The following FBXL4 variants were observed in gnomAD, a reference collection of about 807,000 sequenced individuals.
FBXL4 encodes F-box and leucine rich repeat protein 4, also known as F-box/LRR-repeat protein 4.
Under a neutral mutation model 58.9 loss-of-function variants are expected in FBXL4, and 40 were observed. That is an observed-to-expected ratio of 0.68 (90% CI 0.53 to 0.88). FBXL4 has a LOEUF of 0.88. FBXL4 is among the 40% of genes least tolerant of loss of function. FBXL4 has a pLI of 0.00. For synonymous variants in FBXL4, 263 were observed against 265.5 expected (o/e 0.99, Z 0.09); for missense variants, 676 against 734.4 (o/e 0.92, Z 0.92).
At chr6:98,916,202 CTT>C (rs1772339276) in intron 5 of FBXL4, among the ~76,000 whole-genome samples, 2 of 143,178 alleles carry the variant, frequency 1.4e-5, no homozygotes, top group Non-Finnish European at 3.1e-5. Flanking sequence ...AATAGGAACA[CTT>C]TTACACTGTT....
At chr6:98,905,388 TGG>T in intron 6 of FBXL4, 36 bp downstream of exon 6, 1 of 1,600,504 alleles carries the variant, frequency 6.2e-7, no homozygotes, top group Non-Finnish European at 8.6e-7. Flanking sequence ...AACCTGCTGC[TGG>T]GGGGGAAAAA....
intron 8 of FBXL4, among the ~76,000 whole-genome samples, chr6:98,878,651 T>C (rs1770739941): frequency 6.6e-6 from 1 of 152,128 alleles, no homozygotes; most frequent in Non-Finnish European, 1.5e-5. Flanking sequence ...ATATATATAA[T>C]TCCAACAGTA....
intron 9 of FBXL4, among the ~76,000 whole-genome samples, chr6:98,875,020 A>G (rs1389562699): frequency 6.6e-6 from 1 of 152,220 alleles, no homozygotes; most frequent in African/African-American, 2.4e-5. Flanking sequence ...AGATTTCACG[A>G]TATTCCTTAA....
chr6:98,940,129 C>T (rs1360508232), intron 1 of FBXL4, among the ~76,000 whole-genome samples: 1 of 152,126 alleles, frequency 6.6e-6, no homozygotes, highest in East Asian at 1.9e-4. Flanking sequence ...GTGTGCTATT[C>T]ATGGCAGTAA....
chr6:98,894,833 C>A (rs1216946536), intron 7 of FBXL4, among the ~76,000 whole-genome samples: 2 of 152,100 alleles, frequency 1.3e-5, no homozygotes, highest in Non-Finnish European at 2.9e-5. Context: ...ATCCTAAACA[C>A]ATCTAAAGAA....
At chr6:98,941,605 G>C (rs1050311261) in intron 1 of FBXL4, among the ~76,000 whole-genome samples, 1 of 152,074 alleles carries the variant, frequency 6.6e-6, no homozygotes, top group East Asian at 1.9e-4. Flanking sequence ...GGCATGTTCT[G>C]CCCACTTGTT....
chr6:98,940,301 G>A (rs1197997046), intron 1 of FBXL4, among the ~76,000 whole-genome samples: 1 of 151,980 alleles, frequency 6.6e-6, no homozygotes, highest in East Asian at 1.9e-4. Flanking sequence ...TATCTTCACA[G>A]TCCAAACCCA....
At chr6:98,904,089 C>A (rs1053075122) in intron 6 of FBXL4, among the ~76,000 whole-genome samples, 1 of 152,178 alleles carries the variant, frequency 6.6e-6, no homozygotes, top group Non-Finnish European at 1.5e-5. Flanking sequence ...TGCTTACTGA[C>A]ACCACTTGTT....
intron 7 of FBXL4, among the ~76,000 whole-genome samples, chr6:98,889,464 T>C (rs1771148972): frequency 6.6e-6 from 1 of 152,044 alleles, no homozygotes; most frequent in Non-Finnish European, 1.5e-5. Flanking sequence ...GGCAGATCAC[T>C]TGAGCTCAGG....
At chr6:98,899,021 G>A in intron 7 of FBXL4, 1 of 985,074 alleles carries the variant, frequency 1.0e-6, no homozygotes, top group Non-Finnish European at 1.2e-6. Flanking sequence ...TTTTTTTCCT[G>A]GGGACATAAA....
At chr6:98,920,510 TTTTA>T (rs1416840030) in intron 4 of FBXL4, among the ~76,000 whole-genome samples, 1 of 152,100 alleles carries the variant, frequency 6.6e-6, no homozygotes, top group Non-Finnish European at 1.5e-5. Flanking sequence ...TATATTTTAC[TTTTA>T]TTTTTCTTGA....
chr6:98,884,086 T>C (rs9388809), intron 7 of FBXL4, among the ~76,000 whole-genome samples: 24,135 of 151,908 alleles, frequency 0.16, 2,307 homozygotes, highest in East Asian at 0.47. Context: ...TATTTTTAAT[T>C]GTTCTTTTAC....
chr6:98,918,747 G>A (rs543001726), intron 4 of FBXL4, among the ~76,000 whole-genome samples: 1 of 151,792 alleles, frequency 6.6e-6, no homozygotes, highest in Non-Finnish European at 1.5e-5. Context: ...TTACATCAAA[G>A]AATAAGAATA....
Position 98,926,941 on chromosome 6 carries a change from A to G in FBXL4, c.48T>C (p.Tyr16=), listed in dbSNP as rs748705687. 6.2e-6 allele frequency: 10 copies of G among 1,614,170 alleles called. No individual in the cohort carries two copies. The East Asian group carries it at 2.2e-4, about 36-fold the overall frequency. ...PMLTVLTMFY[Y]ICLRRRARTA... ...TCCTGGCTCGGCGCCGAAGGCATAT[A>G]TAATAAAACATGGTCAGAACTGTTA... is the stretch of plus-strand genomic sequence containing the variant. The change falls in exon 4 of 10, where the codon TAT becomes TAC. Residue 16 remains tyrosine, a synonymous_variant. Coordinates refer to ENST00000369244, the MANE Select transcript of FBXL4 (RefSeq NM_001278716.2).
chr6:98,899,152 A>T, intron 7 of FBXL4, 116 bp downstream of exon 7: 1 of 1,484,804 alleles, frequency 6.7e-7, no homozygotes, highest in Non-Finnish European at 8.9e-7. Context: ...AGTAGTCAGA[A>T]GGCATCATAA....
At chr6:98,881,788 C>T (rs1162428551) in intron 7 of FBXL4, among the ~76,000 whole-genome samples, 1 of 151,978 alleles carries the variant, frequency 6.6e-6, no homozygotes, top group East Asian at 1.9e-4. Context: ...TAAGTTTCAA[C>T]ATAACAACAT....
intron 1 of FBXL4, among the ~76,000 whole-genome samples, chr6:98,935,848 T>C (rs1308807921): frequency 6.7e-6 from 1 of 149,682 alleles, no homozygotes; most frequent in Non-Finnish European, 1.5e-5. Context: ...GACTCTGGAA[T>C]AACCCTAAAT....
chr6:98,875,521 G>A lies in FBXL4; in HGVS notation c.1596C>T (p.Leu532=). Residue 532 remains leucine, a synonymous_variant, in exon 9 of 10, where the codon CTC becomes CTT. Transcript: ENST00000369244. ...TAAGAAAGAGTTTTTGCAAGTTTGG[G>A]AGCTGGTGTGCCAGTCTGGTGAAGC... The part of the protein sequence containing the change: ...TGCFTRLAHQ[L]PNLQKLFLTA... The A allele has an allele frequency of 1.2e-5, 20 of 1,614,112 alleles. No homozygotes were observed. Among genetic ancestry groups the A allele is most frequent in the East Asian group, 2.2e-5 (1 of 44,882 alleles).
chr6:98,929,803 G>A (rs1211813518), intron 2 of FBXL4, among the ~76,000 whole-genome samples: 4 of 152,044 alleles, frequency 2.6e-5, no homozygotes, highest in Admixed American at 2.6e-4. Flanking sequence ...CATGAAACCA[G>A]GACTATAAAA....
Sources: gnomAD v4.1 joint callset for allele counts (sites outside exome capture counted in the v4.1 genomes callset) on GRCh38, gnomAD v4.1.1 for gene constraint, MANE v1.5 for transcripts, NCBI Gene and HGNC (gene_info 2026-07-23, HGNC 2026-07-21) for gene names.